The following PRELID2 variants were observed in gnomAD, a reference collection of about 807,000 sequenced individuals.
The protein encoded by PRELID2 is PRELI domain-containing protein 2.
PRELID2 carries 25 observed loss-of-function variants against 28.4 expected under a neutral mutation model. That is an observed-to-expected ratio of 0.88 (90% CI 0.64 to 1.23). The LOEUF (loss-of-function observed/expected upper bound fraction) is 1.23, where lower values mean the gene tolerates loss of function less well. PRELID2 is among the 50% of genes most tolerant of loss of function. The pLI is 0.00. For missense variants in PRELID2, 201 were observed against 214.4 expected (o/e 0.94, Z 0.39); for synonymous variants, 76 against 71.6 (o/e 1.06, Z -0.31).
intron 5 of PRELID2, among the ~76,000 whole-genome samples, chr5:145,786,190 AT>A (rs1751983062): frequency 6.6e-6 from 1 of 152,212 alleles, no homozygotes; most frequent in African/African-American, 2.4e-5. Context: ...CTTAATACTT[AT>A]GCCTACAACT....
intron 1 of PRELID2, among the ~76,000 whole-genome samples, chr5:145,481,765 C>T (rs1161745473): frequency 1.3e-5 from 2 of 150,498 alleles, no homozygotes; most frequent in African/African-American, 4.9e-5. Context: ...TTTCAACAAA[C>T]ATCAGAATGC....
intron 1 of PRELID2, among the ~76,000 whole-genome samples, chr5:145,675,939 G>A (rs2149685846): frequency 6.6e-6 from 1 of 152,234 alleles, no homozygotes; most frequent in East Asian, 1.9e-4. Context: ...AATAATGTGG[G>A]GCTGGGCGCA....
chr5:145,346,541 G>A, the PRELID2 span, among the ~76,000 whole-genome samples: 1 of 152,138 alleles, frequency 6.6e-6, no homozygotes, highest in African/African-American at 2.4e-5. Context: ...TAACAGGGCT[G>A]TTCCATTTTA....
At chr5:145,321,200 T>C in the PRELID2 span, among the ~76,000 whole-genome samples, 3 of 152,204 alleles carry the variant, frequency 2.0e-5, no homozygotes, top group Non-Finnish European at 2.9e-5. Context: ...AACCCGTTAA[T>C]GATTATTATA....
intron 1 of PRELID2, among the ~76,000 whole-genome samples, chr5:145,722,634 G>A (rs1202010309): frequency 1.3e-5 from 2 of 152,096 alleles, no homozygotes; most frequent in East Asian, 3.9e-4. Flanking sequence ...GAGTAGCTGG[G>A]ACTACAGGCA....
chr5:145,550,600 G>A (rs190523316), intron 1 of PRELID2, among the ~76,000 whole-genome samples: 11 of 152,198 alleles, frequency 7.2e-5, no homozygotes, highest in African/African-American at 2.4e-4. Flanking sequence ...ATTTTTAAAT[G>A]TACAGTTTCC....
intron 1 of PRELID2, among the ~76,000 whole-genome samples, chr5:145,677,910 G>C (rs923970494): frequency 2.6e-5 from 4 of 152,154 alleles, no homozygotes; most frequent in Non-Finnish European, 4.4e-5. Context: ...TACAGAAAAG[G>C]AGAAGTTGTG....
the PRELID2 span, among the ~76,000 whole-genome samples, chr5:145,432,530 T>C: frequency 6.6e-6 from 1 of 151,852 alleles, no homozygotes; most frequent in Non-Finnish European, 1.5e-5. Flanking sequence ...TTCAAGAAAT[T>C]CAAAGCTGCC....
intron 2 of PRELID2, 81 bp from the exon 3 acceptor site, chr5:145,820,099 G>C: frequency 1.2e-6 from 1 of 828,002 alleles, no homozygotes; most frequent in South Asian, 1.6e-5. Context: ...TGCGGGGGTG[G>C]GGTTTTTTTG....
the PRELID2 span, among the ~76,000 whole-genome samples, chr5:145,298,116 CTACTT>C: frequency 2.0e-5 from 3 of 152,270 alleles, no homozygotes; most frequent in South Asian, 6.2e-4. Flanking sequence ...TTGGAAAAAA[CTACTT>C]TAAAGTTCAT....
At chr5:145,321,721 A>G in the PRELID2 span, among the ~76,000 whole-genome samples, 1 of 152,256 alleles carries the variant, frequency 6.6e-6, no homozygotes, top group African/African-American at 2.4e-5. Flanking sequence ...TTTCAAAGTT[A>G]TAATTTGCCA....
In PRELID2 at chr5:145,771,855, C is replaced by CA. The variant is rs569203596; in HGVS notation, c.475-6856dup. ...GGGCAATAAGAGCAAGACTCCATCTCAAAAAAAAAGCAAGAAAGAAAATGG... is the reference window on the plus strand; with the variant it reads ...GGGCAATAAGAGCAAGACTCCATCTCAAAAAAAAAAGCAAGAAAGAAAATGG... On this transcript the variant is annotated intron_variant, in intron 5 of 6. Transcript: ENST00000683046. Among the ~76,000 whole-genome samples, 527 of 148,840 alleles carry CA rather than the reference C, an allele frequency of 3.5e-3. 3 individuals carry two copies. The highest frequency in any genetic ancestry group is 9.3e-3 in the East Asian group (47 of 5,064).
chr5:145,616,256 T>G (rs868410391), intron 1 of PRELID2, among the ~76,000 whole-genome samples: 5 of 152,208 alleles, frequency 3.3e-5, no homozygotes, highest in Admixed American at 1.3e-4. Context: ...CCAGGTGTCC[T>G]TTGTGCTTCT....
the PRELID2 span, among the ~76,000 whole-genome samples, chr5:145,244,610 A>G: frequency 6.6e-6 from 1 of 152,132 alleles, no homozygotes; most frequent in Non-Finnish European, 1.5e-5. Flanking sequence ...TATTTTCTAC[A>G]GGGAGACTCT....
At position 145,796,515 on chromosome 5, in the gene PRELID2, A is replaced by G. The variant is rs1484370250; in HGVS notation, c.401T>C (p.Ile134Thr). 6.2e-7 allele frequency: 1 copy of G among 1,608,942 alleles called. No individual in the cohort carries two copies. The highest frequency in any genetic ancestry group is 8.5e-7 in the Non-Finnish European group (1 of 1,177,240). Residue 134 changes from isoleucine to threonine, a missense_variant, in exon 5 of 7, where the codon ATC becomes ACC. By Grantham distance (89) the Ile-to-Thr change is moderately conservative. Transcript: ENST00000683046. ...ACAGTTGAGAAATCCAACCCCTGTG[A>G]TTGAAATCCTGCCTCTTTGAATGAA... ...TEFIQRGRIS[I>T]TGVGFLNCVL...
chr5:145,522,338 T>C (rs571573418), intron 1 of PRELID2, among the ~76,000 whole-genome samples: 1 of 152,096 alleles, frequency 6.6e-6, no homozygotes, highest in Non-Finnish European at 1.5e-5. Context: ...TCATACTACA[T>C]GTAGCTTCTG....
At chr5:145,320,512 C>T in the PRELID2 span, among the ~76,000 whole-genome samples, 1 of 152,090 alleles carries the variant, frequency 6.6e-6, no homozygotes, top group Non-Finnish European at 1.5e-5. Context: ...GCTTTTGAAG[C>T]TAAGTGTTGA....
chr5:145,482,813 G>T (rs893670798), intron 1 of PRELID2, among the ~76,000 whole-genome samples: 2 of 151,710 alleles, frequency 1.3e-5, no homozygotes, highest in Admixed American at 6.6e-5. Flanking sequence ...AGATCATCAG[G>T]TATTAGATTC....
chr5:145,740,883 TACATATATTTATCGATAA>T (rs1756684654), intron 1 of PRELID2, among the ~76,000 whole-genome samples: 1 of 98,394 alleles, frequency 1.0e-5, no homozygotes, highest in Non-Finnish European at 1.8e-5. Context: ...AATATATATG[TACATATATTTATCGATAA>T]ATATATATGT....
Sources: gnomAD v4.1 joint callset for allele counts (sites outside exome capture counted in the v4.1 genomes callset) on GRCh38, gnomAD v4.1.1 for gene constraint, MANE v1.5 for transcripts, NCBI Gene and HGNC (gene_info 2026-07-23, HGNC 2026-07-21) for gene names.